The following LRRN2 variants were observed in gnomAD, a reference collection of about 807,000 sequenced individuals.
LRRN2 encodes leucine rich repeat neuronal 2, also known as leucine-rich repeat neuronal protein 2.
A neutral mutation model predicts 35.7 loss-of-function variants in LRRN2; 10 were observed. The observed-to-expected ratio is 0.28, with a 90% CI of 0.17 to 0.47. LRRN2 has a LOEUF of 0.47. LRRN2 is among the 20% of genes least tolerant of loss of function. The probability of loss-of-function intolerance (pLI) is 0.99; values close to 1 mark genes in which losing one functional copy is unlikely to be tolerated. For missense variants in LRRN2, 731 were observed against 940.3 expected (o/e 0.78, Z 2.91); for synonymous variants, 391 against 409.6 (o/e 0.95, Z 0.55).
intron 1 of LRRN2, among the ~76,000 whole-genome samples, chr1:204,656,152 G>A (rs1288268597): frequency 6.6e-6 from 1 of 151,996 alleles, no homozygotes; most frequent in East Asian, 1.9e-4. Flanking sequence ...CTCATGATCT[G>A]CCCGCCTCAG....
intron 1 of LRRN2, chr1:204,621,589 T>A (rs1278852274): frequency 6.0e-6 from 1 of 167,120 alleles, no homozygotes; most frequent in Non-Finnish European, 1.5e-5. Context: ...GTGTTGATTG[T>A]ATGAATCAAT....
intron 1 of LRRN2, among the ~76,000 whole-genome samples, chr1:204,674,533 T>G (rs545738547): frequency 6.6e-6 from 1 of 152,304 alleles, no homozygotes; most frequent in South Asian, 2.1e-4. Flanking sequence ...ACTGGGGCAC[T>G]GATTTTAGGC....
At chr1:204,631,317 T>C (rs1667699359) in intron 1 of LRRN2, among the ~76,000 whole-genome samples, 1 of 116,400 alleles carries the variant, frequency 8.6e-6, no homozygotes, top group African/African-American at 3.3e-5. Flanking sequence ...GAGCTGCTTA[T>C]ACCCTGACAG....
intron 1 of LRRN2, among the ~76,000 whole-genome samples, chr1:204,653,063 T>C (rs574570485): frequency 2.6e-5 from 4 of 152,338 alleles, no homozygotes; most frequent in South Asian, 4.1e-4. Flanking sequence ...TGCTTCCTTT[T>C]CAATGGAAGA....
intron 1 of LRRN2, among the ~76,000 whole-genome samples, chr1:204,675,762 C>T (rs1668812211): frequency 6.6e-6 from 1 of 152,232 alleles, no homozygotes; most frequent in Non-Finnish European, 1.5e-5. Flanking sequence ...CATTATTCTG[C>T]CTACCATACA....
At chr1:204,641,428 C>T (rs1202415740) in intron 1 of LRRN2, among the ~76,000 whole-genome samples, 3 of 152,172 alleles carry the variant, frequency 2.0e-5, no homozygotes, top group Admixed American at 6.5e-5. Flanking sequence ...TAGGTTGACA[C>T]CAGCTATAGG....
At position 204,618,695 on chromosome 1, in the gene LRRN2, A is replaced by C; in HGVS notation, c.1298T>G (p.Leu433Arg). The C allele has an allele frequency of 3.1e-6, 5 of 1,599,236 alleles. No individual in the cohort carries two copies. The highest frequency in any genetic ancestry group is 4.3e-6 in the Non-Finnish European group (5 of 1,171,320). Residue 433 changes from leucine to arginine, a missense_variant, in exon 2 of 2, where the codon CTC becomes CGC. Leu to Arg is a moderately radical substitution (Grantham distance 102). Transcript: ENST00000367177. ...CATGCTCTCTCCACTGGCTACCTGG[A>C]GGCTTGGGGGGAAGCTTCGTGGGGA... ...LISPRSFPPS[L>R]QVASGESMVL...
chr1:204,675,375 G>C (rs1255388336), intron 1 of LRRN2, among the ~76,000 whole-genome samples: 1 of 152,174 alleles, frequency 6.6e-6, no homozygotes, highest in East Asian at 1.9e-4. Context: ...GTCCAAAATG[G>C]GTCTCCCCGG....
chr1:204,629,648 A>G (rs1667627549), intron 1 of LRRN2: 1 of 176,680 alleles, frequency 5.7e-6, no homozygotes, highest in South Asian at 1.4e-4. Context: ...ACCTCCTGCC[A>G]TGATTCTGAG....
At chr1:204,622,566 G>T (rs1666980936) in intron 1 of LRRN2, among the ~76,000 whole-genome samples, 1 of 152,142 alleles carries the variant, frequency 6.6e-6, no homozygotes, top group African/African-American at 2.4e-5. Context: ...ATGCATGCCT[G>T]CATACCTGTG....
At chr1:204,665,647 A>T (rs1203281120) in intron 1 of LRRN2, among the ~76,000 whole-genome samples, 1 of 152,142 alleles carries the variant, frequency 6.6e-6, no homozygotes, top group Non-Finnish European at 1.5e-5. Flanking sequence ...GTGTCCCTGG[A>T]GGCTGGGGTT....
intron 1 of LRRN2, among the ~76,000 whole-genome samples, chr1:204,649,943 A>G (rs1172936438): frequency 6.6e-6 from 1 of 152,196 alleles, no homozygotes; most frequent in African/African-American, 2.4e-5. Context: ...ACTGGCTGTG[A>G]CAAGGAGTGA....
At chr1:204,638,574 C>A (rs1054101886) in intron 1 of LRRN2, among the ~76,000 whole-genome samples, 2 of 151,952 alleles carry the variant, frequency 1.3e-5, no homozygotes, top group African/African-American at 4.8e-5. Context: ...CCACACCCGG[C>A]TAATTTTTTG....
At chr1:204,651,604 C>G (rs991588902) in intron 1 of LRRN2, among the ~76,000 whole-genome samples, 1 of 152,140 alleles carries the variant, frequency 6.6e-6, no homozygotes, top group Non-Finnish European at 1.5e-5. Flanking sequence ...CTGCATCCCC[C>G]CAAAACCCCC....
At chr1:204,649,575 T>G (rs900708915) in intron 1 of LRRN2, among the ~76,000 whole-genome samples, 1 of 152,086 alleles carries the variant, frequency 6.6e-6, no homozygotes, top group Non-Finnish European at 1.5e-5. Context: ...GAAAGCAGTA[T>G]CCAGGAAAGA....
chr1:204,647,812 A>G (rs1411596438), intron 1 of LRRN2, among the ~76,000 whole-genome samples: 1 of 152,218 alleles, frequency 6.6e-6, no homozygotes, highest in Non-Finnish European at 1.5e-5. Flanking sequence ...GGCCAGTCCA[A>G]ATGGAGATGT....
intron 1 of LRRN2, among the ~76,000 whole-genome samples, chr1:204,677,339 C>G (rs762281215): frequency 6.6e-6 from 1 of 152,140 alleles, no homozygotes; most frequent in Non-Finnish European, 1.5e-5. Context: ...GCATCGCCCC[C>G]CATGTCTTGG....
intron 1 of LRRN2, among the ~76,000 whole-genome samples, chr1:204,632,946 A>AG (rs1667746859): frequency 6.6e-6 from 1 of 152,110 alleles, no homozygotes; most frequent in African/African-American, 2.4e-5. Context: ...AAAAAAAAAA[A>AG]AAATTCTTCT....
chr1:204,630,670 A>G (rs1191517047), intron 1 of LRRN2, among the ~76,000 whole-genome samples: 2 of 151,498 alleles, frequency 1.3e-5, no homozygotes, highest in African/African-American at 4.9e-5. Context: ...CGTCCTGGCC[A>G]CCTCCTCCAA....
Sources: allele counts gnomAD v4.1 joint callset (sites outside exome capture counted in the v4.1 genomes callset), GRCh38; gene constraint gnomAD v4.1.1; transcripts MANE v1.5; gene names NCBI Gene and HGNC (gene_info 2026-07-23, HGNC 2026-07-21).